ZNF138: variants seen among roughly 807,000 people sequenced by gnomAD.
ZNF138 encodes the protein zinc finger protein 138 (clone pHZ-32).
Under a neutral mutation model 33.0 loss-of-function variants are expected in ZNF138, and 33 were observed. That is an observed-to-expected ratio of 1.00 (90% confidence interval 0.76 to 1.34). The LOEUF (loss-of-function observed/expected upper bound fraction) is 1.34. ZNF138 is among the 40% of genes most tolerant of loss of function. The pLI, the probability that ZNF138 is intolerant of heterozygous loss-of-function variation, is 0.00. For synonymous variants in ZNF138, 139 were observed against 120.4 expected (o/e 1.15, Z -1.01); for missense variants, 360 against 370.8 (o/e 0.97, Z 0.24).
At chr7:64,841,136 T>C in the ZNF138 span, among the ~76,000 whole-genome samples, 2 of 152,180 alleles carry the variant, frequency 1.3e-5, no homozygotes, top group Admixed American at 6.5e-5. Flanking sequence ...TTTTCTTTTA[T>C]AGTTTATGAG....
chr7:64,850,489 T>G, the ZNF138 span, among the ~76,000 whole-genome samples: 315 of 152,192 alleles, frequency 2.1e-3, no homozygotes, highest in African/African-American at 7.2e-3. Flanking sequence ...AGAAAAGGGG[T>G]TTTTAAATTT....
intron 1 of ZNF138, among the ~76,000 whole-genome samples, chr7:64,804,336 T>C (rs7792706): frequency 0.43 from 65,920 of 151,966 alleles, 14,259 homozygotes; most frequent in East Asian, 0.57. Context: ...CCCAGTCATG[T>C]ACCCCCTGCT....
intron 1 of ZNF138, 132 bp downstream of exon 1, chr7:64,794,703 G>C: frequency 2.2e-6 from 3 of 1,363,412 alleles, no homozygotes; most frequent in Non-Finnish European, 3.1e-6. Flanking sequence ...TCTTGGCACA[G>C]CTCGGCCCTC....
intron 1 of ZNF138, among the ~76,000 whole-genome samples, chr7:64,803,993 C>G (rs1232412949): frequency 6.6e-6 from 1 of 152,192 alleles, no homozygotes; most frequent in Non-Finnish European, 1.5e-5. Flanking sequence ...TAGCTCTTCA[C>G]TTACCCATGA....
chr7:64,824,748 G>A (rs1789432333), intron 3 of ZNF138, among the ~76,000 whole-genome samples: 1 of 152,082 alleles, frequency 6.6e-6, no homozygotes, highest in South Asian at 2.1e-4. Flanking sequence ...TGGACTTAAA[G>A]CATATTATGT....
intron 1 of ZNF138, among the ~76,000 whole-genome samples, chr7:64,797,558 TC>T (rs143210048): frequency 0.014 from 2,186 of 152,106 alleles, 54 homozygotes; most frequent in African/African-American, 0.05. Context: ...CTAGGAAGCC[TC>T]CCCTGCGGAT....
chr7:64,823,659 G>T (rs1789347834), intron 3 of ZNF138, among the ~76,000 whole-genome samples: 1 of 152,158 alleles, frequency 6.6e-6, no homozygotes, highest in Admixed American at 6.5e-5. Flanking sequence ...TAATGAGGCA[G>T]CTGGGCGCAG....
intron 3 of ZNF138, among the ~76,000 whole-genome samples, chr7:64,831,241 G>A (rs922341433): frequency 1.3e-5 from 2 of 152,068 alleles, no homozygotes; most frequent in South Asian, 2.1e-4. Context: ...CAAACCTGGG[G>A]CACTGCACAC....
intron 1 of ZNF138, among the ~76,000 whole-genome samples, chr7:64,804,291 G>A (rs1787394904): frequency 6.6e-6 from 1 of 152,150 alleles, no homozygotes; most frequent in Non-Finnish European, 1.5e-5. Flanking sequence ...TCCCTGTCCT[G>A]TTCTGTTCCG....
intron 1 of ZNF138, among the ~76,000 whole-genome samples, chr7:64,809,217 A>C (rs1489265979): frequency 2.3e-5 from 1 of 43,054 alleles, no homozygotes; most frequent in African/African-American, 8.8e-5. Context: ...CGGGGGGCTG[A>C]CCCCCCCACC....
chr7:64,825,333 C>T (rs1276415503), intron 3 of ZNF138, among the ~76,000 whole-genome samples: 6 of 149,538 alleles, frequency 4.0e-5, no homozygotes, highest in Admixed American at 2.7e-4. Flanking sequence ...CCAACAGGGC[C>T]GGCTAATTTT....
chr7:64,831,680 A>G lies in ZNF138; in HGVS notation c.438A>G (p.Lys146=). The G allele has an allele frequency of 6.2e-7, 1 of 1,607,792 alleles. No individual in the cohort carries two copies. Among genetic ancestry groups the G allele is most frequent in the Non-Finnish European group, 8.5e-7 (1 of 1,177,838 alleles). The change falls in exon 4 of 4, where the codon AAA becomes AAG. Residue 146 remains lysine, a synonymous_variant. Coordinates refer to ENST00000307355, the MANE Select transcript of ZNF138 (RefSeq NM_001271639.2). Reference sequence around the variant, plus strand: ...TATTTCAATGTAATAAATATGTAAAAGTCATGCATAAATTTTCAAATTCAA... The same window carrying G: ...TATTTCAATGTAATAAATATGTAAAGGTCATGCATAAATTTTCAAATTCAA... ...SKIFQCNKYV[K]VMHKFSNSNR... is the part of the protein sequence containing the mutation.
the ZNF138 span, among the ~76,000 whole-genome samples, chr7:64,860,644 CCAGA>C: frequency 6.6e-6 from 1 of 152,132 alleles, no homozygotes; most frequent in African/African-American, 2.4e-5. Context: ...TTTTCAAACA[CCAGA>C]CAATTATTTT....
chr7:64,825,233 C>T (rs558954954), intron 3 of ZNF138, among the ~76,000 whole-genome samples: 54 of 121,684 alleles, frequency 4.4e-4, no homozygotes, highest in African/African-American at 1.5e-3. Flanking sequence ...AGTGCAGTGG[C>T]GCGATCTCGG....
chr7:64,796,744 A>G (rs993593279), intron 1 of ZNF138, among the ~76,000 whole-genome samples: 2 of 152,210 alleles, frequency 1.3e-5, no homozygotes, highest in Non-Finnish European at 2.9e-5. Flanking sequence ...TTGGCTGTGG[A>G]AAACGAATAC....
At chr7:64,826,085 C>T (rs1297336860) in intron 3 of ZNF138, among the ~76,000 whole-genome samples, 1 of 152,134 alleles carries the variant, frequency 6.6e-6, no homozygotes, top group African/African-American at 2.4e-5. Context: ...GAATAGCCCC[C>T]CTTGGCCTCC....
chr7:64,849,317 G>A, the ZNF138 span, among the ~76,000 whole-genome samples: 1 of 152,204 alleles, frequency 6.6e-6, no homozygotes, highest in Non-Finnish European at 1.5e-5. Context: ...CTCAGCTGTG[G>A]ATATTAGCAC....
At chr7:64,828,241 A>G (rs1323233365) in intron 3 of ZNF138, among the ~76,000 whole-genome samples, 2 of 152,096 alleles carry the variant, frequency 1.3e-5, no homozygotes, top group African/African-American at 4.8e-5. Context: ...ATTTACAATC[A>G]AGTATTTTTA....
At chr7:64,840,398 C>T in the ZNF138 span, among the ~76,000 whole-genome samples, 3 of 151,942 alleles carry the variant, frequency 2.0e-5, no homozygotes, top group African/African-American at 7.3e-5. Flanking sequence ...ATATCGTTCC[C>T]GTTGGTTAAA....
Sources: allele counts gnomAD v4.1 joint callset (sites outside exome capture counted in the v4.1 genomes callset), GRCh38; gene constraint gnomAD v4.1.1; transcripts MANE v1.5; gene names NCBI Gene and HGNC (gene_info 2026-07-23, HGNC 2026-07-21).